RPE65: variants seen among roughly 807,000 people sequenced by gnomAD.
The protein encoded by RPE65 is retinoid isomerohydrolase.
In RPE65, 58 loss-of-function variants were observed where a neutral mutation model predicts 68.5. That is an observed-to-expected ratio of 0.85 (90% CI 0.69 to 1.05). RPE65 has a LOEUF of 1.05. RPE65 is among the 50% of genes least tolerant of loss of function. The probability of loss-of-function intolerance (pLI) is 0.00; values close to 1 mark genes in which losing one functional copy is unlikely to be tolerated. For missense variants in RPE65, 643 were observed against 629.9 expected, an observed-to-expected ratio of 1.02 and a Z score of -0.22; for synonymous variants, 220 against 222.2, an observed-to-expected ratio of 0.99 and a Z score of 0.09.
rs966236566 is a variant in RPE65, at chr1:68,429,644, A to G, written c.*132T>C. The G allele has an allele frequency of 4.7e-6, 5 of 1,066,390 alleles. No individual in the cohort carries two copies. Among genetic ancestry groups the G allele is most frequent in the African/African-American group, 3.1e-5 (2 of 63,794 alleles). 66.1% of individuals were successfully genotyped at this position (1,066,390 alleles called of 1,614,324 possible). On this transcript the variant is annotated 3_prime_UTR_variant, in exon 14 of 14. Coordinates refer to ENST00000262340, the MANE Select transcript of RPE65 (RefSeq NM_000329.3). ...CTCAACTCAGTGCTTTCTGTAAAAC[A>G]TTGCAAAATTGTGCGCATCTGCAAG...
rs551504624 is a variant in RPE65, at chr1:68,438,645, GAGA to G, written c.998+294_998+296del. On this transcript the variant is annotated intron_variant, in intron 9 of 13. Coordinates refer to ENST00000262340, the MANE Select transcript of RPE65 (RefSeq NM_000329.3). ...ACGCATGTCTTTTTCTCCCTTCGCA[GAGA>G]AGATGGGGCTCAAGTTTCCCCAGGG... Among the ~76,000 whole-genome samples the G allele has an allele frequency of 1.5e-3, 234 of 152,304 alleles. 1 individual carries two copies. Among genetic ancestry groups the G allele is most frequent in the African/African-American group, 4.2e-3 (175 of 41,556 alleles).
chr1:68,430,314 G>T (rs371289431), intron 13 of RPE65, among the ~76,000 whole-genome samples: 11 of 152,302 alleles, frequency 7.2e-5, no homozygotes, highest in African/African-American at 2.6e-4. Context: ...ATGATCACAT[G>T]AAAAGTGTGT....
intron 2 of RPE65, among the ~76,000 whole-genome samples, chr1:68,447,358 T>C (rs1302268685): frequency 6.6e-6 from 1 of 152,192 alleles, no homozygotes; most frequent in Non-Finnish European, 1.5e-5. Context: ...AATCTAGAGC[T>C]ATATCCCTCT....
Position 68,438,248 on chromosome 1 carries a change from T to C in RPE65, c.1067A>G (p.Asn356Ser), listed in dbSNP as rs1645874933. The C allele has an allele frequency of 6.8e-6, 11 of 1,610,204 alleles. No homozygotes were observed. The highest frequency in any genetic ancestry group is 1.3e-5 in the African/African-American group (1 of 74,754). The change falls in exon 10 of 14, where the codon AAT becomes AGT. Residue 356 changes from asparagine (N) to serine (S), a missense_variant. Asn to Ser is a conservative substitution (Grantham distance 46). Transcript: ENST00000262340. ...LRENWEEVKKNARKAPQPEVR... is the reference protein window; with the variant it reads ...LRENWEEVKKSARKAPQPEVR... ...TTCAGGTTGGGGAGCCTTTCTGGCA[T>C]TTTTTTTCACCTCTTCCCAGTTCTC...
Position 68,438,172 on chromosome 1 carries a change from A to C in RPE65, c.1128+15T>G. The stretch of plus-strand genomic sequence containing the variant: ...CATTCTGGTTAAATCTGAAATCTAC[A>C]GAGAAGCAGGTTACCTTGTCAATAT... On this transcript the variant is annotated intron_variant, in intron 10 of 13. Transcript: ENST00000262340. 6.2e-7 allele frequency: 1 copy of C among 1,613,750 alleles called. No individual in the cohort carries two copies.
chr1:68,446,745 A>T lies in RPE65; in HGVS notation c.210T>A (p.Phe70Leu). ...LFDGQALLHKFDFKEGHVTYH... is the reference protein window; with the variant it reads ...LFDGQALLHKLDFKEGHVTYH... ...ATGTGACATGTCCTTCTTTAAAGTCAAACTTGTGCAGGAGGGCTTGCCCAT... is the reference window on the plus strand; with the variant it reads ...ATGTGACATGTCCTTCTTTAAAGTCTAACTTGTGCAGGAGGGCTTGCCCAT... Residue 70 changes from phenylalanine to leucine, a missense_variant, in exon 3 of 14, where the codon TTT (phenylalanine) becomes TTA (leucine). By Grantham distance (22) the Phe-to-Leu change is conservative. Transcript: ENST00000262340. 1.2e-6 allele frequency: 2 copies of T among 1,614,132 alleles called. No homozygotes were observed. Among genetic ancestry groups the T allele is most frequent in the Non-Finnish European group, 1.7e-6 (2 of 1,180,036 alleles).
chr1:68,443,413 T>C (rs1288365225), intron 5 of RPE65, among the ~76,000 whole-genome samples: 1 of 152,244 alleles, frequency 6.6e-6, no homozygotes, highest in Non-Finnish European at 1.5e-5. Context: ...CTGCCTAATG[T>C]CATACTAATA....
At chr1:68,449,703 C>A (rs550112068) in intron 1 of RPE65, among the ~76,000 whole-genome samples, 192 bp downstream of exon 1, 4 of 152,258 alleles carry the variant, frequency 2.6e-5, no homozygotes, top group African/African-American at 9.6e-5. Flanking sequence ...GTCACACAAA[C>A]CCCCCATAAT....
intron 5 of RPE65, among the ~76,000 whole-genome samples, chr1:68,442,939 AT>A (rs373247343): frequency 6.6e-6 from 1 of 151,808 alleles, no homozygotes; most frequent in African/African-American, 2.4e-5. Context: ...TGTTGAGACT[AT>A]TTTTTTTCTT....
At chr1:68,438,803 T>C (rs1645878626) in intron 9 of RPE65, 139 bp downstream of exon 9, 1 of 1,116,256 alleles carries the variant, frequency 9.0e-7, no homozygotes, top group African/African-American at 1.5e-5. Context: ...TTCCTACTGC[T>C]TTTCCAATTA....
At chr1:68,446,629 A>G in intron 3 of RPE65, 81 bp downstream of exon 3, 1 of 1,567,326 alleles carries the variant, frequency 6.4e-7, no homozygotes, top group Non-Finnish European at 8.8e-7. Flanking sequence ...TCCTGAGTTC[A>G]GAGGTGAAAA....
chr1:68,445,148 C>T (rs1645933342), intron 3 of RPE65, among the ~76,000 whole-genome samples: 1 of 152,040 alleles, frequency 6.6e-6, no homozygotes, highest in Admixed American at 6.6e-5. Context: ...GCATATGTGG[C>T]CAAGCTGGGT....
At chr1:68,434,451 A>G (rs564988333) in intron 10 of RPE65, among the ~76,000 whole-genome samples, 7 of 152,170 alleles carry the variant, frequency 4.6e-5, no homozygotes, top group East Asian at 1.9e-4. Context: ...AAAAGTAAAT[A>G]GTGGAAGATT....
chr1:68,444,704 A>G, intron 4 of RPE65, 32 bp from the exon 5 acceptor site: 1 of 1,614,162 alleles, frequency 6.2e-7, no homozygotes, highest in South Asian at 1.1e-5. Flanking sequence ...TCAGTCCAGT[A>G]ATTTTCAAGC....
chr1:68,433,004 A>G (rs916702829), intron 10 of RPE65, among the ~76,000 whole-genome samples: 14 of 152,168 alleles, frequency 9.2e-5, no homozygotes, highest in African/African-American at 3.4e-4. Flanking sequence ...GACCTGTACA[A>G]TGTTGATGTC....
rs1557600941 is a variant in RPE65, at chr1:68,440,843, GT to G, written c.643+9del. 6.2e-7 allele frequency: 1 copy of G among 1,613,876 alleles called. No homozygotes were observed. The highest frequency in any genetic ancestry group is 1.7e-5 in the Admixed American group (1 of 60,016). ...CTTATTTTCAGAAGAGGACAGATTG[GT>G]AAACTCACCTGCTTGCAGTGGTGGG... is the stretch of plus-strand genomic sequence containing the variant. On this transcript the variant is annotated intron_variant, in intron 6 of 13. Transcript: ENST00000262340.
intron 9 of RPE65, 28 bp from the exon 10 acceptor site, chr1:68,438,344 C>T: frequency 6.2e-7 from 1 of 1,608,724 alleles, no homozygotes; most frequent in Non-Finnish European, 8.5e-7. Flanking sequence ...CAAACATGAG[C>T]ACAGGCAATG....
At chr1:68,448,534 G>T (rs1645958554) in intron 2 of RPE65, 90 bp downstream of exon 2, 9 of 1,174,356 alleles carry the variant, frequency 7.7e-6, no homozygotes, top group Admixed American at 3.6e-5. Flanking sequence ...ACCCACAGGG[G>T]GAGTCTGCAC....
chr1:68,449,821 C>T, intron 1 of RPE65, 74 bp downstream of exon 1: 1 of 1,531,952 alleles, frequency 6.5e-7, no homozygotes, highest in Non-Finnish European at 9.0e-7. Context: ...GCCTTCTCTT[C>T]AGGAGCCCTT....
Sources: allele counts gnomAD v4.1 joint callset (sites outside exome capture counted in the v4.1 genomes callset), GRCh38; gene constraint gnomAD v4.1.1; transcripts MANE v1.5; gene names NCBI Gene and HGNC (gene_info 2026-07-23, HGNC 2026-07-21).